APOBEC3B: variants seen among roughly 807,000 people sequenced by gnomAD.
APOBEC3B encodes DNA dC->dU-editing enzyme APOBEC-3B.
Under a neutral mutation model 53.4 loss-of-function variants are expected in APOBEC3B, and 29 were observed. The ratio of observed to expected loss-of-function variants is 0.54; its 90% CI spans 0.40 to 0.74. APOBEC3B has a LOEUF of 0.74. Ranked by LOEUF, APOBEC3B falls within the 30% of genes least tolerant of loss-of-function variation. The pLI, the probability that APOBEC3B is intolerant of heterozygous loss-of-function variation, is 0.00. For synonymous variants in APOBEC3B, 132 were observed against 184.8 expected (o/e 0.71, Z 2.32); for missense variants, 347 against 496.2 (o/e 0.70, Z 2.86).
intron 4 of APOBEC3B, among the ~76,000 whole-genome samples, chr22:38,987,739 C>T (rs1923798978): frequency 6.7e-6 from 1 of 148,358 alleles, no homozygotes; most frequent in Non-Finnish European, 1.5e-5. Context: ...TCCGTGAGCA[C>T]CATTCACCTT....
Position 38,982,371 on chromosome 22 carries a change from C to A in APOBEC3B, c.-83C>A, listed in dbSNP as rs1342369772. 10 of 1,563,848 alleles carry A rather than the reference C, an allele frequency of 6.4e-6. 2 individuals carry two copies. Among genetic ancestry groups the A allele is most frequent in the Non-Finnish European group, 8.7e-6 (10 of 1,147,944 alleles). On this transcript the variant is annotated 5_prime_UTR_variant, in exon 1 of 8. Transcript: ENST00000333467. ...CACTTTAAGGAGGGCTGTCCAACTG[C>A]AAGGACGCTGTAAGCAGGAAGTGAA...
At chr22:38,989,650 C>A in intron 5 of APOBEC3B, 40 bp downstream of exon 5, 1 of 1,525,498 alleles carries the variant, frequency 6.6e-7, no homozygotes, top group Admixed American at 1.9e-5. Context: ...AGGGCCCTCC[C>A]AATCCAGGGA....
chr22:38,986,527 G>T (rs1308527349), intron 4 of APOBEC3B, 115 bp downstream of exon 4: 2 of 1,227,216 alleles, frequency 1.6e-6, no homozygotes, highest in African/African-American at 1.5e-5. Flanking sequence ...TGCCCTCATG[G>T]TCACACCACC....
At chr22:38,983,433 C>T (rs1923610029) in intron 1 of APOBEC3B, among the ~76,000 whole-genome samples, 1 of 148,964 alleles carries the variant, frequency 6.7e-6, no homozygotes, top group Non-Finnish European at 1.5e-5. Context: ...GCCCAGTCCC[C>T]AACAGCTTTC....
chr22:38,983,468 G>A (rs899158351), intron 1 of APOBEC3B, among the ~76,000 whole-genome samples: 3 of 148,874 alleles, frequency 2.0e-5, no homozygotes, highest in African/African-American at 7.3e-5. Flanking sequence ...TGATGCAGAG[G>A]CTGGACAGGG....
At chr22:38,983,210 C>T (rs1428497191) in intron 1 of APOBEC3B, among the ~76,000 whole-genome samples, 2 of 147,826 alleles carry the variant, frequency 1.4e-5, no homozygotes, top group Admixed American at 1.4e-4. Context: ...CCCAGATACT[C>T]AGGAGGTTTA....
intron 6 of APOBEC3B, 27 bp downstream of exon 6, chr22:38,991,653 G>A: frequency 6.7e-7 from 1 of 1,485,660 alleles, no homozygotes; most frequent in South Asian, 1.2e-5. Context: ...CAGGTGGGGT[G>A]GGGTGGGTGG....
intron 6 of APOBEC3B, 124 bp from the exon 7 acceptor site, chr22:38,991,910 G>GGAGGGA: frequency 7.2e-7 from 1 of 1,387,150 alleles, no homozygotes; most frequent in Non-Finnish European, 9.5e-7. Context: ...AGTCCCTAGG[G>GGAGGGA]GAGGGAGAGG....
At chr22:38,988,369 G>A (rs1259589239) in intron 4 of APOBEC3B, among the ~76,000 whole-genome samples, 1 of 148,544 alleles carries the variant, frequency 6.7e-6, no homozygotes, top group African/African-American at 2.4e-5. Flanking sequence ...GTTGGAGAGG[G>A]GATTCTCTTC....
intron 1 of APOBEC3B, 116 bp from the exon 2 acceptor site, chr22:38,983,959 T>C: frequency 8.2e-7 from 1 of 1,226,042 alleles, no homozygotes; most frequent in South Asian, 1.6e-5. Context: ...TTCTCAGGGC[T>C]GTGGAGGGGT....
chr22:38,984,375 GAC>G, intron 2 of APOBEC3B, 144 bp downstream of exon 2: 1 of 1,084,412 alleles, frequency 9.2e-7, no homozygotes, highest in Non-Finnish European at 1.3e-6. Flanking sequence ...CCTTAACAAA[GAC>G]AGACTGAGGT....
chr22:38,986,686 C>A (rs556678816), intron 4 of APOBEC3B, among the ~76,000 whole-genome samples: 1 of 149,056 alleles, frequency 6.7e-6, no homozygotes, highest in Non-Finnish European at 1.5e-5. Context: ...GGGACACCAG[C>A]CGCTGCCCTT....
At chr22:38,982,936 C>T (rs1255326890) in intron 1 of APOBEC3B, among the ~76,000 whole-genome samples, 1 of 148,702 alleles carries the variant, frequency 6.7e-6, no homozygotes, top group Non-Finnish European at 1.5e-5. Context: ...CTCTGAAGCA[C>T]ATGATAAATC....
intron 2 of APOBEC3B, 106 bp from the exon 3 acceptor site, chr22:38,985,706 C>T: frequency 1.0e-6 from 1 of 988,158 alleles, no homozygotes; most frequent in Non-Finnish European, 1.5e-6. Context: ...GCTTCAATGG[C>T]AAGATCCCCT....
Position 38,992,084 on chromosome 22 carries a change from C to T in APOBEC3B, c.1069C>T (p.Gln357Ter), listed in dbSNP as rs1263458096. 1.3e-6 allele frequency: 2 copies of T among 1,592,110 alleles called. No individual in the cohort carries two copies. Residue 357 changes from glutamine (Q) to a stop codon, truncating the protein, a stop_gained, in exon 7 of 8, where the codon CAG becomes TAG. Coordinates refer to ENST00000333467, the MANE Select transcript of APOBEC3B (RefSeq NM_004900.5). LOFTEE classifies it high-confidence loss of function. The stretch of plus-strand genomic sequence containing the variant: ...TGTGTACCGCCAGGGATGTCCCTTC[C>T]AGCCCTGGGATGGACTAGAGGAGCA... Reference protein sequence around the residue: ...TFVYRQGCPFQPWDGLEEHSQ... With the variant: ...TFVYRQGCPF
intron 2 of APOBEC3B, 63 bp downstream of exon 2, chr22:38,984,294 T>C: frequency 1.3e-6 from 2 of 1,528,234 alleles, no homozygotes; most frequent in African/African-American, 1.4e-5. Context: ...CTGGAGAGAC[T>C]GATATGGGTG....
At chr22:38,991,902 T>A in intron 6 of APOBEC3B, 132 bp from the exon 7 acceptor site, 2 of 1,375,062 alleles carry the variant, frequency 1.5e-6, no homozygotes, top group South Asian at 1.6e-5. Context: ...AGGAGCTAAG[T>A]CCCTAGGGGA....
intron 1 of APOBEC3B, 128 bp from the exon 2 acceptor site, chr22:38,983,947 A>C: frequency 1.7e-6 from 2 of 1,144,414 alleles, no homozygotes; most frequent in Non-Finnish European, 1.2e-6. Flanking sequence ...AGGCAGCAGA[A>C]ATTCTCAGGG....
intron 4 of APOBEC3B, among the ~76,000 whole-genome samples, chr22:38,988,727 T>C (rs144842718): frequency 0.2 from 22,794 of 113,816 alleles, 4,679 homozygotes; most frequent in South Asian, 0.27. Context: ...CTTTCTTTCT[T>C]TCTTTCTTTC....
Sources: gnomAD v4.1 joint callset for allele counts (sites outside exome capture counted in the v4.1 genomes callset) on GRCh38, gnomAD v4.1.1 for gene constraint, MANE v1.5 for transcripts, NCBI Gene and HGNC (gene_info 2026-07-23, HGNC 2026-07-21) for gene names.